The following PCDH15 variants were observed in gnomAD, a reference collection of about 807,000 sequenced individuals.
PCDH15 encodes the protein protocadherin-15.
Under a neutral mutation model 178.5 loss-of-function variants are expected in PCDH15, and 129 were observed. That is an observed-to-expected ratio of 0.72 (90% CI 0.63 to 0.84). PCDH15 has a LOEUF of 0.84. Among genes scored for constraint, PCDH15 ranks in the 40% least tolerant of loss-of-function variants. The pLI, the probability that PCDH15 is intolerant of heterozygous loss-of-function variation, is 0.00. For missense variants in PCDH15, 2,230 were observed against 2,099.9 expected, an observed-to-expected ratio of 1.06 and a Z score of -1.21; for synonymous variants, 800 against 732.0, an observed-to-expected ratio of 1.09 and a Z score of -1.50.
At chr10:55,493,200 A>G (rs1840458796) in intron 2 of PCDH15, among the ~76,000 whole-genome samples, 1 of 151,606 alleles carries the variant, frequency 6.6e-6, no homozygotes, top group Admixed American at 6.6e-5. Context: ...AGCACAATGA[A>G]CACTAGGTAG....
At chr10:54,587,443 G>C (rs943026301) in intron 2 of PCDH15, among the ~76,000 whole-genome samples, 1 of 151,958 alleles carries the variant, frequency 6.6e-6, no homozygotes, top group Non-Finnish European at 1.5e-5. Context: ...GTGCAGAGGA[G>C]CTTATTGACA....
chr10:54,926,637 A>C (rs1314680859), intron 2 of PCDH15, among the ~76,000 whole-genome samples: 1 of 151,916 alleles, frequency 6.6e-6, no homozygotes, highest in East Asian at 1.9e-4. Context: ...TAGAGCCATT[A>C]GTGGTCTGTT....
intron 2 of PCDH15, chr10:54,607,832 G>A (rs1263435713): frequency 1.9e-6 from 1 of 525,944 alleles, no homozygotes; most frequent in Non-Finnish European, 3.9e-6. Flanking sequence ...GAAGAGATAT[G>A]ATGCCATGAG....
At chr10:53,887,242 A>G (rs2081166362) in intron 26 of PCDH15, among the ~76,000 whole-genome samples, 1 of 152,204 alleles carries the variant, frequency 6.6e-6, no homozygotes, top group Non-Finnish European at 1.5e-5. Context: ...CATTCTTGCT[A>G]TAAATGACAA....
intron 25 of PCDH15, among the ~76,000 whole-genome samples, chr10:53,912,307 G>A (rs1203656578): frequency 2.0e-5 from 3 of 151,862 alleles, no homozygotes; most frequent in Non-Finnish European, 4.4e-5. Context: ...CAAAATAAGA[G>A]GTATTTCTGA....
At chr10:54,774,778 C>T (rs1421410444) in intron 1 of PCDH15, among the ~76,000 whole-genome samples, 2 of 152,068 alleles carry the variant, frequency 1.3e-5, no homozygotes, top group Admixed American at 6.6e-5. Context: ...AACCACGTCT[C>T]CTGAAATCTT....
intron 2 of PCDH15, among the ~76,000 whole-genome samples, chr10:54,663,049 G>A (rs943890608): frequency 1.3e-5 from 2 of 152,014 alleles, no homozygotes; most frequent in Middle Eastern, 3.4e-3. Context: ...TCATGCTGCC[G>A]ATCTTATGAA....
chr10:54,835,950 C>T (rs1953308675), intron 3 of PCDH15, among the ~76,000 whole-genome samples: 1 of 152,110 alleles, frequency 6.6e-6, no homozygotes, highest in South Asian at 2.1e-4. Context: ...TTCTCAATCT[C>T]TTTAAAAGAT....
At chr10:54,307,053 T>TAC (rs2060547905) in intron 8 of PCDH15, among the ~76,000 whole-genome samples, 1 of 8,756 alleles carries the variant, frequency 1.1e-4, no homozygotes, top group East Asian at 3.6e-3. Context: ...TATATATATA[T>TAC]ATATATATAT....
chr10:54,182,492 A>C (rs1564621882), intron 13 of PCDH15, among the ~76,000 whole-genome samples: 1 of 58,632 alleles, frequency 1.7e-5, no homozygotes, highest in Admixed American at 1.5e-4. Context: ...TGAGAGAGGA[A>C]AAGAGAGAAA....
chr10:54,958,954 AG>A (rs1294103945), intron 2 of PCDH15, among the ~76,000 whole-genome samples: 1 of 151,958 alleles, frequency 6.6e-6, no homozygotes, highest in Non-Finnish European at 1.5e-5. Context: ...ATAAATGAGC[AG>A]TAACGTGAGG....
intron 3 of PCDH15, among the ~76,000 whole-genome samples, chr10:54,459,392 A>T (rs554360325): frequency 1.3e-5 from 2 of 151,968 alleles, no homozygotes. Flanking sequence ...ATTATGTCAT[A>T]GGAACTTGAC....
At chr10:54,922,727 G>T (rs1837526141) in intron 2 of PCDH15, among the ~76,000 whole-genome samples, 1 of 152,128 alleles carries the variant, frequency 6.6e-6, no homozygotes, top group African/African-American at 2.4e-5. Context: ...AGGCCACAAT[G>T]ATGTAAGGGT....
chr10:54,224,639 T>G (rs1011047891), intron 9 of PCDH15, among the ~76,000 whole-genome samples: 44 of 152,230 alleles, frequency 2.9e-4, no homozygotes, highest in African/African-American at 1.0e-3. Flanking sequence ...TGTTGATAAT[T>G]TTAACCATTA....
intron 17 of PCDH15, among the ~76,000 whole-genome samples, chr10:54,075,387 A>AG (rs2094323075): frequency 1.1e-5 from 1 of 89,828 alleles, no homozygotes; most frequent in African/African-American, 2.8e-5. Context: ...AAAAAATAAA[A>AG]AAAAAGATCT....
chr10:55,258,796 C>T (rs1476139589), intron 1 of PCDH15, among the ~76,000 whole-genome samples: 1 of 126,566 alleles, frequency 7.9e-6, no homozygotes, highest in Non-Finnish European at 1.6e-5. Flanking sequence ...CAGATATTGA[C>T]CTTTCTGGTC....
intron 2 of PCDH15, among the ~76,000 whole-genome samples, chr10:55,445,583 C>A (rs558559117): frequency 6.6e-6 from 1 of 152,080 alleles, no homozygotes; most frequent in Non-Finnish European, 1.5e-5. Flanking sequence ...CAATTGTATT[C>A]TTTTTGTGGT....
intron 28 of PCDH15, among the ~76,000 whole-genome samples, chr10:53,845,272 TG>T (rs35834387): frequency 6.6e-6 from 1 of 151,830 alleles, no homozygotes; most frequent in African/African-American, 2.4e-5. Flanking sequence ...TATACATTCT[TG>T]GGGGGAATGT....
intron 1 of PCDH15, among the ~76,000 whole-genome samples, chr10:55,169,916 A>C (rs1305450162): frequency 1.3e-5 from 2 of 152,162 alleles, no homozygotes. Context: ...AATGTTATTA[A>C]CCATTAGTAG....
Sources: gnomAD v4.1 joint callset for allele counts (sites outside exome capture counted in the v4.1 genomes callset) on GRCh38, gnomAD v4.1.1 for gene constraint, MANE v1.5 for transcripts, NCBI Gene and HGNC (gene_info 2026-07-23, HGNC 2026-07-21) for gene names.